The following KIF6 variants were observed in gnomAD, a reference collection of about 807,000 sequenced individuals.
KIF6 encodes kinesin family member 6, also known as kinesin-like protein KIF6.
Under a neutral mutation model 112.7 loss-of-function variants are expected in KIF6, and 106 were observed. That is an observed-to-expected ratio of 0.94 (90% confidence interval 0.80 to 1.11). The LOEUF (loss-of-function observed/expected upper bound fraction) is 1.11, where lower values mean the gene tolerates loss of function less well. KIF6 is among the 50% of genes least tolerant of loss of function. KIF6 has a pLI of 0.00. For synonymous variants in KIF6, 339 were observed against 339.9 expected (o/e 1.00, Z 0.03); for missense variants, 929 against 964.0 (o/e 0.96, Z 0.48).
At chr6:39,534,902 A>G (rs1238060095) in intron 13 of KIF6, among the ~76,000 whole-genome samples, 2 of 152,240 alleles carry the variant, frequency 1.3e-5, no homozygotes, top group African/African-American at 4.8e-5. Flanking sequence ...AGTGGGGGCC[A>G]ATATTCAACG....
rs35998209 is a variant in KIF6, at chr6:39,374,667, C to T, written c.1861+10955G>A. Among the ~76,000 whole-genome samples the T allele has an allele frequency of 6.2e-3, 943 of 152,196 alleles. 8 individuals are homozygous for T. Among genetic ancestry groups the T allele is most frequent in the South Asian group, 7.7e-3 (37 of 4,822 alleles). Reference sequence around the variant, plus strand: ...TCATTAGGGAAATGCAAATTAAAATCACAATAAGATAGCACCTCACACCTG... The same window carrying T: ...TCATTAGGGAAATGCAAATTAAAATTACAATAAGATAGCACCTCACACCTG... On this transcript the variant is annotated intron_variant, in intron 16 of 22. Transcript: ENST00000287152.
chr6:39,572,590 G>A (rs1161817252), intron 10 of KIF6, among the ~76,000 whole-genome samples: 1 of 146,816 alleles, frequency 6.8e-6, no homozygotes, highest in African/African-American at 2.5e-5. Flanking sequence ...GTTGCTAACA[G>A]AAAATATTTG....
At chr6:39,559,109 T>C (rs376651557) in intron 10 of KIF6, among the ~76,000 whole-genome samples, 1 of 152,182 alleles carries the variant, frequency 6.6e-6, no homozygotes, top group South Asian at 2.1e-4. Context: ...TTATATTTCA[T>C]GAATGATTTT....
At chr6:39,450,633 C>G (rs946943651) in intron 13 of KIF6, among the ~76,000 whole-genome samples, 3 of 152,028 alleles carry the variant, frequency 2.0e-5, no homozygotes, top group African/African-American at 7.2e-5. Context: ...GGTGAAACCC[C>G]ATCTCTACCA....
At chr6:39,360,348 G>A (rs1166347164) in intron 18 of KIF6, 47 bp downstream of exon 18, 1 of 1,607,884 alleles carries the variant, frequency 6.2e-7, no homozygotes, top group African/African-American at 1.3e-5. Flanking sequence ...CAGTGGGGCT[G>A]CATGACTGGC....
chr6:39,494,131 T>C (rs137879241), intron 13 of KIF6, among the ~76,000 whole-genome samples: 1 of 152,330 alleles, frequency 6.6e-6, no homozygotes, highest in African/African-American at 2.4e-5. Flanking sequence ...TTCTTTTTTG[T>C]CTAATGTTTA....
chr6:39,502,052 TGAAAAAA>T (rs1372567052), intron 13 of KIF6, among the ~76,000 whole-genome samples: 1 of 150,666 alleles, frequency 6.6e-6, no homozygotes, highest in East Asian at 1.9e-4. Context: ...AAGGTTGAAA[TGAAAAAA>T]GAAAAAAAAT....
chr6:39,485,273 G>C (rs1393126725), intron 13 of KIF6, among the ~76,000 whole-genome samples: 1 of 152,238 alleles, frequency 6.6e-6, no homozygotes, highest in African/African-American at 2.4e-5. Context: ...AGAAAGCTCT[G>C]GAAATTTAAT....
chr6:39,623,491 G>A (rs1489531618), intron 5 of KIF6, among the ~76,000 whole-genome samples: 6 of 151,968 alleles, frequency 3.9e-5, no homozygotes, highest in East Asian at 3.9e-4. Context: ...TAAAGTTCTC[G>A]AACATTTCCT....
chr6:39,445,654 G>A (rs1772260936), intron 13 of KIF6, among the ~76,000 whole-genome samples: 1 of 152,216 alleles, frequency 6.6e-6, no homozygotes, highest in African/African-American at 2.4e-5. Flanking sequence ...AGATGACTGG[G>A]AGAGAGCAGA....
rs1433960793 is a variant in KIF6 at position 39,510,583 on chromosome 6, T to C, written c.1645+29420A>G. ...GAAAGGAACAACTGGTACCAGCAAC[T>C]GCAAAAACATGCCAGATTTAAAGAT... On this transcript the variant is annotated intron_variant, in intron 13 of 22. Coordinates refer to ENST00000287152, the MANE Select transcript of KIF6 (RefSeq NM_145027.6). Among the ~76,000 whole-genome samples, 5 of 152,160 alleles carry C rather than the reference T, an allele frequency of 3.3e-5. No homozygotes were observed. The East Asian group carries it at 9.6e-4, about 29-fold the overall frequency.
intron 15 of KIF6, among the ~76,000 whole-genome samples, chr6:39,394,567 T>C (rs1397741348): frequency 6.6e-6 from 1 of 152,168 alleles, no homozygotes. Flanking sequence ...TTCCATTGGC[T>C]TGGGGGCCAG....
At chr6:39,427,979 C>T (rs1339764539) in intron 14 of KIF6, among the ~76,000 whole-genome samples, 2 of 152,152 alleles carry the variant, frequency 1.3e-5, no homozygotes, top group Admixed American at 6.5e-5. Context: ...TATGTTCTCC[C>T]TAAGTTAGTG....
intron 13 of KIF6, among the ~76,000 whole-genome samples, chr6:39,487,387 C>A (rs1001204867): frequency 1.3e-5 from 2 of 152,160 alleles, no homozygotes; most frequent in African/African-American, 4.8e-5. Flanking sequence ...AGATTCCCTC[C>A]CCAGGGGCAT....
chr6:39,685,202 C>T (rs909048172), intron 3 of KIF6, among the ~76,000 whole-genome samples: 2 of 152,248 alleles, frequency 1.3e-5, no homozygotes, highest in Non-Finnish European at 2.9e-5. Context: ...GAAAAATCAG[C>T]GATGCTGTGG....
At chr6:39,383,563 C>G (rs186556894) in intron 16 of KIF6, among the ~76,000 whole-genome samples, 1 of 152,020 alleles carries the variant, frequency 6.6e-6, no homozygotes, top group African/African-American at 2.4e-5. Context: ...GTTACTGTAG[C>G]CTTGTAGTTT....
At chr6:39,650,468 T>G (rs940261989) in intron 3 of KIF6, among the ~76,000 whole-genome samples, 6 of 152,068 alleles carry the variant, frequency 3.9e-5, no homozygotes, top group African/African-American at 7.2e-5. Flanking sequence ...GGCTGCATTT[T>G]TATCTTATTT....
At chr6:39,723,081 G>T (rs536638393) in intron 1 of KIF6, among the ~76,000 whole-genome samples, 1 of 152,268 alleles carries the variant, frequency 6.6e-6, no homozygotes. Context: ...TTTAAGCTAA[G>T]AATCTGGGGG....
chr6:39,595,634 G>GA (rs1782208717), intron 7 of KIF6, among the ~76,000 whole-genome samples: 1 of 152,280 alleles, frequency 6.6e-6, no homozygotes, highest in South Asian at 2.1e-4. Context: ...GAAAAAGGAA[G>GA]AAATTCTGAT....
Sources: gnomAD v4.1 joint callset for allele counts (sites outside exome capture counted in the v4.1 genomes callset) on GRCh38, gnomAD v4.1.1 for gene constraint, MANE v1.5 for transcripts, NCBI Gene and HGNC (gene_info 2026-07-23, HGNC 2026-07-21) for gene names.